The following SLC4A10 variants were observed in gnomAD, a reference collection of about 807,000 sequenced individuals.
SLC4A10 encodes the protein solute carrier family 4 member 10, also known as sodium-driven chloride bicarbonate exchanger.
SLC4A10 carries 42 observed loss-of-function variants against 137.7 expected under a neutral mutation model. The observed-to-expected ratio is 0.30, with a 90% confidence interval of 0.24 to 0.39. SLC4A10 has a LOEUF of 0.39. SLC4A10 is among the 10% of genes least tolerant of loss of function. SLC4A10 has a pLI of 1.00. For synonymous variants in SLC4A10, 474 were observed against 464.1 expected, an observed-to-expected ratio of 1.02 and a Z score of -0.27; for missense variants, 925 against 1,355.0, an observed-to-expected ratio of 0.68 and a Z score of 4.98.
At chr2:161,687,376 C>A (rs1574348676) in intron 1 of SLC4A10, among the ~76,000 whole-genome samples, 1 of 151,882 alleles carries the variant, frequency 6.6e-6, no homozygotes, top group Non-Finnish European at 1.5e-5. Flanking sequence ...GTTTTCTATG[C>A]TTTCTGTAAT....
rs151205439 is a variant in SLC4A10, at chr2:161,753,855, GTTATTTAT to G, written c.49-17075_49-17068del. Among the ~76,000 whole-genome samples, 733 of 134,774 alleles carry G rather than the reference GTTATTTAT, an allele frequency of 5.4e-3. 4 individuals carry two copies. The highest frequency in any genetic ancestry group is 0.011 in the Middle Eastern group (3 of 272). The allele number at this position is 134,774 out of a possible 152,430, so 88.4% of individuals were successfully genotyped here. On this transcript the variant is annotated intron_variant, in intron 1 of 26. Transcript: ENST00000446997. ...CTCACTTTACTGTTAAATAACTCGA[GTTATTTAT>G]TTATTTATTTATTTATTTATTTATT...
intron 15 of SLC4A10, among the ~76,000 whole-genome samples, chr2:161,910,135 A>G (rs1266526151): frequency 6.6e-6 from 1 of 152,162 alleles, no homozygotes; most frequent in African/African-American, 2.4e-5. Flanking sequence ...TTTAGGATCT[A>G]TATTTCAGAT....
At chr2:161,823,531 C>T (rs1020845241) in intron 3 of SLC4A10, among the ~76,000 whole-genome samples, 21 of 152,142 alleles carry the variant, frequency 1.4e-4, no homozygotes, top group Non-Finnish European at 7.3e-5. Context: ...CCACGGAACC[C>T]GTATGAAGTG....
At chr2:161,801,200 T>C (rs2055329990) in intron 2 of SLC4A10, among the ~76,000 whole-genome samples, 1 of 152,056 alleles carries the variant, frequency 6.6e-6, no homozygotes, top group South Asian at 2.1e-4. Flanking sequence ...TAATCATTGT[T>C]ACCATATTTC....
chr2:161,938,713 A>T (rs1692073768), intron 15 of SLC4A10, among the ~76,000 whole-genome samples: 1 of 151,506 alleles, frequency 6.6e-6, no homozygotes, highest in South Asian at 2.1e-4. Context: ...AGAAGAGAAA[A>T]AAAAAAAAGA....
rs1010072953 is a variant in SLC4A10 at position 161,918,220 on chromosome 2, A to G, written c.1997+12333A>G. The stretch of plus-strand genomic sequence containing the variant: ...ACCCAGGCTGGCGTGCAGCGGTGCA[A>G]TCTCAGCTCACTGCAACCTCCACCT... On this transcript the variant is annotated intron_variant, in intron 15 of 26. Coordinates refer to ENST00000446997, the MANE Select transcript of SLC4A10 (RefSeq NM_001178015.2). Among the ~76,000 whole-genome samples the G allele has an allele frequency of 2.2e-4, 33 of 152,236 alleles. 1 individual carries two copies. Among genetic ancestry groups the G allele is most frequent in the Middle Eastern group, 6.8e-3 (2 of 294 alleles).
chr2:161,642,183 G>C (rs934917108), intron 1 of SLC4A10, among the ~76,000 whole-genome samples: 17 of 151,888 alleles, frequency 1.1e-4, no homozygotes, highest in Non-Finnish European at 2.4e-4. Flanking sequence ...CTAGTGTAGT[G>C]ATGTATCTTA....
chr2:161,799,016 C>T (rs1340629202), intron 2 of SLC4A10, among the ~76,000 whole-genome samples: 1 of 151,036 alleles, frequency 6.6e-6, no homozygotes, highest in Non-Finnish European at 1.5e-5. Context: ...TTCTAGTGTT[C>T]TCTGCTTATC....
chr2:161,957,674 C>G lies in SLC4A10; in HGVS notation c.2793+434C>G, dbSNP rs181463837. ...GTGAAGGGATGAGCCTGGTTATAGT[C>G]ACATACGCAGTTTTCCATTTTAAGT... is the stretch of plus-strand genomic sequence containing the variant. On this transcript the variant is annotated intron_variant, in intron 20 of 26. Coordinates refer to ENST00000446997, the MANE Select transcript of SLC4A10 (RefSeq NM_001178015.2). 2.2e-3 allele frequency among the ~76,000 whole-genome samples: 330 copies of G among 152,300 alleles called. 1 individual carries two copies. The highest frequency in any genetic ancestry group is 2.7e-3 in the Non-Finnish European group (185 of 68,024).
intron 1 of SLC4A10, among the ~76,000 whole-genome samples, chr2:161,755,094 C>T (rs938507343): frequency 1.6e-4 from 24 of 152,068 alleles, no homozygotes; most frequent in African/African-American, 4.1e-4. Flanking sequence ...AGAACTGACT[C>T]ATACAAAAAA....
At chr2:161,833,243 C>T (rs2058553073) in intron 3 of SLC4A10, among the ~76,000 whole-genome samples, 1 of 152,160 alleles carries the variant, frequency 6.6e-6, no homozygotes, top group Non-Finnish European at 1.5e-5. Flanking sequence ...CTCAGACTCT[C>T]CTACCATCAT....
chr2:161,900,303 C>T (rs1400301964), intron 11 of SLC4A10, among the ~76,000 whole-genome samples: 3 of 152,022 alleles, frequency 2.0e-5, no homozygotes, highest in African/African-American at 7.2e-5. Flanking sequence ...GTTAGAAAGA[C>T]CTATATTGTA....
intron 8 of SLC4A10, among the ~76,000 whole-genome samples, chr2:161,878,376 T>G: frequency 6.6e-6 from 1 of 152,112 alleles, no homozygotes; most frequent in East Asian, 1.9e-4. Flanking sequence ...AAATTGATAT[T>G]TATTGTTAAG....
intron 4 of SLC4A10, among the ~76,000 whole-genome samples, chr2:161,847,348 CT>C (rs2059570623): frequency 6.7e-6 from 1 of 149,296 alleles, no homozygotes; most frequent in African/African-American, 2.5e-5. Flanking sequence ...TTTTTTTTTT[CT>C]TTCCAACTTT....
At chr2:161,932,100 GC>G (rs1445617576) in intron 15 of SLC4A10, among the ~76,000 whole-genome samples, 1 of 152,088 alleles carries the variant, frequency 6.6e-6, no homozygotes, top group Non-Finnish European at 1.5e-5. Context: ...ATGGTGTTGG[GC>G]CTTTTTTTTC....
chr2:161,646,062 C>G (rs1558935565), intron 1 of SLC4A10, among the ~76,000 whole-genome samples: 3 of 151,924 alleles, frequency 2.0e-5, no homozygotes, highest in Admixed American at 6.6e-5. Flanking sequence ...AATGGTGAAC[C>G]ATGTGCAAAA....
intron 12 of SLC4A10, among the ~76,000 whole-genome samples, chr2:161,903,059 G>T (rs75538338): frequency 6.6e-6 from 1 of 151,992 alleles, no homozygotes; most frequent in East Asian, 1.9e-4. Context: ...GTAGCCAAAT[G>T]TTAAGTCTGC....
chr2:161,687,125 G>A (rs1005281108), intron 1 of SLC4A10, among the ~76,000 whole-genome samples: 2 of 151,984 alleles, frequency 1.3e-5, no homozygotes, highest in African/African-American at 4.8e-5. Flanking sequence ...TCAGCTGATG[G>A]GCTTCCCAAA....
intron 1 of SLC4A10, among the ~76,000 whole-genome samples, chr2:161,717,081 T>A (rs1278211028): frequency 6.6e-6 from 1 of 152,180 alleles, no homozygotes; most frequent in African/African-American, 2.4e-5. Flanking sequence ...AGTTCATTCA[T>A]GATTTGGCTT....
Sources: allele counts gnomAD v4.1 joint callset (sites outside exome capture counted in the v4.1 genomes callset), GRCh38; gene constraint gnomAD v4.1.1; transcripts MANE v1.5; gene names NCBI Gene and HGNC (gene_info 2026-07-23, HGNC 2026-07-21).